PDE1C: variants seen among roughly 807,000 people sequenced by gnomAD.
The protein encoded by PDE1C is dual specificity calcium/calmodulin-dependent 3',5'-cyclic nucleotide phosphodiesterase 1C.
PDE1C carries 62 observed loss-of-function variants against 93.1 expected under a neutral mutation model. That is an observed-to-expected ratio of 0.67 (90% CI 0.54 to 0.82). The LOEUF is 0.82. Ranked by LOEUF, PDE1C falls within the 40% of genes least tolerant of loss-of-function variation. The pLI, the probability that PDE1C is intolerant of heterozygous loss-of-function variation, is 0.00. For synonymous variants in PDE1C, 325 were observed against 310.1 expected, an observed-to-expected ratio of 1.05 and a Z score of -0.50; for missense variants, 742 against 884.6, an observed-to-expected ratio of 0.84 and a Z score of 2.04.
chr7:31,942,422 C>T (rs571596249), intron 2 of PDE1C, among the ~76,000 whole-genome samples: 1 of 151,966 alleles, frequency 6.6e-6, no homozygotes, highest in East Asian at 1.9e-4. Context: ...AACTTAGGAC[C>T]CTCAGTAATC....
chr7:32,363,405 G>C (rs1784174105), intron 1 of PDE1C, among the ~76,000 whole-genome samples: 1 of 152,214 alleles, frequency 6.6e-6, no homozygotes, highest in Non-Finnish European at 1.5e-5. Flanking sequence ...TCTCCACCAT[G>C]GTCCTCTATT....
At chr7:31,714,632 C>G in the PDE1C span, among the ~76,000 whole-genome samples, 1 of 152,338 alleles carries the variant, frequency 6.6e-6, no homozygotes, top group Non-Finnish European at 1.5e-5. Context: ...TGCAGTTTCA[C>G]ATGGCTGAGG....
In PDE1C at chr7:31,888,942, A is replaced by T. The variant is rs577210823; in HGVS notation, c.129-8082T>A. ...CATCAAAACGAAACAGTTTCTAGGAATAAATCTTACAAAATATATAAAATC... is the reference window on the plus strand; with the variant it reads ...CATCAAAACGAAACAGTTTCTAGGATTAAATCTTACAAAATATATAAAATC... On this transcript the variant is annotated intron_variant, in intron 2 of 17. Transcript: ENST00000396191. Among the ~76,000 whole-genome samples, 71 of 152,340 alleles carry T rather than the reference A, an allele frequency of 4.7e-4. No individual in the cohort carries two copies. In the South Asian group the frequency reaches 0.014, roughly 30 times the overall value.
At chr7:32,116,752 T>C (rs1331755232) in intron 3 of PDE1C, among the ~76,000 whole-genome samples, 1 of 152,164 alleles carries the variant, frequency 6.6e-6, no homozygotes, top group East Asian at 1.9e-4. Context: ...GCCTTGTCAG[T>C]CCACATTCCC....
intron 2 of PDE1C, among the ~76,000 whole-genome samples, chr7:31,982,175 T>G (rs959667752): frequency 4.6e-5 from 7 of 152,210 alleles, no homozygotes; most frequent in Non-Finnish European, 7.3e-5. Context: ...GGAATCGTTC[T>G]CAACTGCACC....
At chr7:31,652,486 G>A in the PDE1C span, 1 of 1,552,646 alleles carries the variant, frequency 6.4e-7, no homozygotes, top group Admixed American at 1.9e-5. Context: ...GTGATGTGCT[G>A]TTTACTCTTT....
At chr7:32,280,440 T>C (rs1056582219) in intron 1 of PDE1C, among the ~76,000 whole-genome samples, 3 of 152,190 alleles carry the variant, frequency 2.0e-5, no homozygotes, top group Non-Finnish European at 2.9e-5. Context: ...GAGAAAAAGC[T>C]AAATAATTGT....
At chr7:31,927,398 C>T (rs564565874) in intron 2 of PDE1C, among the ~76,000 whole-genome samples, 45 of 152,264 alleles carry the variant, frequency 3.0e-4, no homozygotes, top group African/African-American at 1.0e-3. Context: ...TCCTGCCTGC[C>T]GGCTCTGAAG....
At chr7:32,120,041 T>C (rs1471548651) in intron 3 of PDE1C, among the ~76,000 whole-genome samples, 2 of 152,190 alleles carry the variant, frequency 1.3e-5, no homozygotes, top group Admixed American at 6.5e-5. Context: ...AGGTCACGCT[T>C]TTCCCCTGCT....
chr7:32,110,849 C>G (rs1229355822), intron 3 of PDE1C, among the ~76,000 whole-genome samples: 1 of 152,120 alleles, frequency 6.6e-6, no homozygotes, highest in Admixed American at 6.6e-5. Flanking sequence ...AAATATCTAC[C>G]AGTAAAATAG....
chr7:32,170,085 C>A, intron 2 of PDE1C: 1 of 793,344 alleles, frequency 1.3e-6, no homozygotes, highest in Admixed American at 2.5e-5. Context: ...TCTCCGCCAA[C>A]ATTACAGAGT....
chr7:32,099,128 C>T (rs1017185745), intron 3 of PDE1C, among the ~76,000 whole-genome samples: 8 of 151,884 alleles, frequency 5.3e-5, no homozygotes. Context: ...CTTGACAATA[C>T]ACAGAAAAGA....
intron 2 of PDE1C, among the ~76,000 whole-genome samples, chr7:31,902,181 T>A (rs530454729): frequency 8.1e-6 from 1 of 123,742 alleles, no homozygotes; most frequent in Admixed American, 8.4e-5. Flanking sequence ...TGAGAAAAAA[T>A]CTATTTACTA....
chr7:31,651,277 C>A, the PDE1C span: 2 of 1,611,652 alleles, frequency 1.2e-6, no homozygotes, highest in Non-Finnish European at 1.7e-6. Context: ...AAGGTAATTA[C>A]CTAAGGGAGC....
chr7:31,681,370 C>T, the PDE1C span, among the ~76,000 whole-genome samples: 92 of 52,682 alleles, frequency 1.7e-3, no homozygotes, highest in South Asian at 4.7e-3. Context: ...GATGGATGGA[C>T]GGATGGATGG....
At chr7:31,643,896 C>T in the PDE1C span, 1 of 1,613,858 alleles carries the variant, frequency 6.2e-7, no homozygotes, top group Non-Finnish European at 8.5e-7. Flanking sequence ...ACCAGGAAGC[C>T]CAGTTCATGA....
chr7:31,845,666 TA>T (rs926794585), intron 9 of PDE1C, among the ~76,000 whole-genome samples: 8 of 151,680 alleles, frequency 5.3e-5, no homozygotes, highest in Admixed American at 1.3e-4. Context: ...TAAAATATAA[TA>T]AAAAAAATTT....
chr7:32,397,720 GA>G (rs907296525), intron 1 of PDE1C, among the ~76,000 whole-genome samples: 31 of 151,922 alleles, frequency 2.0e-4, no homozygotes, highest in African/African-American at 7.0e-4. Context: ...AACTGTTTAA[GA>G]AAAAAAAGTG....
At chr7:32,368,990 CA>C (rs1186729162) in intron 1 of PDE1C, among the ~76,000 whole-genome samples, 1 of 152,050 alleles carries the variant, frequency 6.6e-6, no homozygotes, top group Non-Finnish European at 1.5e-5. Flanking sequence ...ATACAAAAAT[CA>C]ACTCAATGGA....
Sources: gnomAD v4.1 joint callset for allele counts (sites outside exome capture counted in the v4.1 genomes callset) on GRCh38, gnomAD v4.1.1 for gene constraint, MANE v1.5 for transcripts, NCBI Gene and HGNC (gene_info 2026-07-23, HGNC 2026-07-21) for gene names.